DOCK3: variants seen among roughly 807,000 people sequenced by gnomAD.
DOCK3 encodes the protein dedicator of cytokinesis protein 3.
DOCK3 carries 60 observed loss-of-function variants against 265.6 expected under a neutral mutation model. The observed-to-expected ratio is 0.23, with a 90% CI of 0.18 to 0.28. The LOEUF (loss-of-function observed/expected upper bound fraction) is 0.28. DOCK3 is among the 10% of genes least tolerant of loss of function. The probability of loss-of-function intolerance (pLI) is 1.00; values close to 1 mark genes in which losing one functional copy is unlikely to be tolerated. For missense variants in DOCK3, 1,981 were observed against 2,594.3 expected, an observed-to-expected ratio of 0.76 and a Z score of 5.14; for synonymous variants, 881 against 938.0, an observed-to-expected ratio of 0.94 and a Z score of 1.11.
chr3:50,711,381 C>T (rs2036756900), intron 1 of DOCK3, among the ~76,000 whole-genome samples: 1 of 151,736 alleles, frequency 6.6e-6, no homozygotes, highest in Non-Finnish European at 1.5e-5. Context: ...CCTGCCTCAG[C>T]CTCCCGAGTA....
chr3:51,339,426 A>G (rs1328520452), intron 37 of DOCK3, among the ~76,000 whole-genome samples: 1 of 152,162 alleles, frequency 6.6e-6, no homozygotes, highest in Non-Finnish European at 1.5e-5. Context: ...TAACAAAGGA[A>G]TATCCCCCTA....
intron 1 of DOCK3, among the ~76,000 whole-genome samples, chr3:50,703,698 G>A (rs933341436): frequency 1.3e-4 from 19 of 150,144 alleles, no homozygotes; most frequent in African/African-American, 4.6e-4. Flanking sequence ...ACTTATTTGG[G>A]TTTTCTCGGT....
chr3:50,681,561 A>AT (rs1160862048), intron 1 of DOCK3, among the ~76,000 whole-genome samples: 2 of 152,198 alleles, frequency 1.3e-5, no homozygotes, highest in African/African-American at 2.4e-5. Context: ...AGAAGCAAGC[A>AT]TTTTTTTCAC....
At chr3:50,774,595 C>G (rs1164494075) in intron 1 of DOCK3, among the ~76,000 whole-genome samples, 2 of 151,746 alleles carry the variant, frequency 1.3e-5, no homozygotes, top group Non-Finnish European at 2.9e-5. Context: ...TAGTTTATGT[C>G]TATATTCTTT....
At chr3:50,760,359 G>A (rs999450600) in intron 1 of DOCK3, among the ~76,000 whole-genome samples, 16 of 152,124 alleles carry the variant, frequency 1.1e-4, no homozygotes, top group African/African-American at 3.9e-4. Context: ...ATATGCAGAT[G>A]GTTCTTGACT....
At chr3:51,303,212 A>G (rs1222538256) in intron 27 of DOCK3, among the ~76,000 whole-genome samples, 1 of 151,108 alleles carries the variant, frequency 6.6e-6, no homozygotes, top group Non-Finnish European at 1.5e-5. Context: ...GGTTATTGAT[A>G]CTTGTGTTTA....
intron 12 of DOCK3, among the ~76,000 whole-genome samples, chr3:51,168,265 A>G (rs899779746): frequency 6.6e-6 from 1 of 152,224 alleles, no homozygotes; most frequent in African/African-American, 2.4e-5. Flanking sequence ...TGGAACCAAA[A>G]AAGAGCCCGA....
rs553525037 is a variant in DOCK3 at position 51,053,076 on chromosome 3, A to AAG, written c.316-11370_316-11369dup. On this transcript the variant is annotated intron_variant, in intron 5 of 52. Coordinates refer to ENST00000266037, the MANE Select transcript of DOCK3 (RefSeq NM_004947.5). ...TCAGTTTCATCTTTTAAAAAAGTCA[A>AAG]AGATATATATATATATATATATATA... 6.5e-3 allele frequency among the ~76,000 whole-genome samples: 226 copies of AAG among 34,536 alleles called. 2 individuals carry two copies. The highest frequency in any genetic ancestry group is 0.037 in the Middle Eastern group (2 of 54). 22.7% of individuals were successfully genotyped at this position (34,536 alleles called of 152,430 possible).
At chr3:50,717,937 A>G (rs1022032782) in intron 1 of DOCK3, among the ~76,000 whole-genome samples, 3 of 152,104 alleles carry the variant, frequency 2.0e-5, no homozygotes, top group African/African-American at 7.2e-5. Flanking sequence ...GTTTGTGTTT[A>G]CTTTTGCATT....
intron 2 of DOCK3, among the ~76,000 whole-genome samples, chr3:50,817,017 G>T (rs2044121924): frequency 6.6e-6 from 1 of 152,210 alleles, no homozygotes; most frequent in East Asian, 1.9e-4. Context: ...AGGAATAAAA[G>T]AATGGCTACT....
At chr3:51,292,199 T>A (rs2109174948) in intron 27 of DOCK3, among the ~76,000 whole-genome samples, 1 of 152,300 alleles carries the variant, frequency 6.6e-6, no homozygotes, top group Non-Finnish European at 1.5e-5. Context: ...GGATGCCCAC[T>A]CTGACTACTT....
At chr3:50,913,046 G>C (rs1326253097) in intron 4 of DOCK3, among the ~76,000 whole-genome samples, 1 of 152,102 alleles carries the variant, frequency 6.6e-6, no homozygotes, top group Non-Finnish European at 1.5e-5. Flanking sequence ...ACCAGAGCTG[G>C]GAATGTTCTG....
chr3:51,019,304 G>A (rs1421173003), intron 5 of DOCK3, among the ~76,000 whole-genome samples: 2 of 151,772 alleles, frequency 1.3e-5, no homozygotes, highest in African/African-American at 4.9e-5. Context: ...ATGGAAATAT[G>A]GGATCAATTG....
At chr3:51,136,175 C>A (rs1215843198) in intron 9 of DOCK3, among the ~76,000 whole-genome samples, 2 of 152,038 alleles carry the variant, frequency 1.3e-5, no homozygotes, top group Non-Finnish European at 2.9e-5. Flanking sequence ...GAACCTGTTC[C>A]AGTACCTCCT....
intron 5 of DOCK3, among the ~76,000 whole-genome samples, chr3:51,025,582 T>G (rs918218637): frequency 6.6e-6 from 1 of 152,190 alleles, no homozygotes; most frequent in Non-Finnish European, 1.5e-5. Flanking sequence ...CACTCCTGTC[T>G]GCAGCTCACT....
At chr3:51,023,745 C>A (rs952883198) in intron 5 of DOCK3, among the ~76,000 whole-genome samples, 15 of 152,130 alleles carry the variant, frequency 9.9e-5, no homozygotes, top group East Asian at 1.9e-4. Context: ...TTATCTATCT[C>A]CCTGGAAAAT....
chr3:50,734,602 GTTTTTTT>G (rs771129941), intron 1 of DOCK3, among the ~76,000 whole-genome samples: 1 of 107,372 alleles, frequency 9.3e-6, no homozygotes, highest in Non-Finnish European at 1.7e-5. Context: ...TTTACAGTGA[GTTTTTTT>G]TTTTTTTTTT....
At position 50,959,571 on chromosome 3, in the gene DOCK3, A is replaced by T. The variant is rs546397582; in HGVS notation, c.315+25494A>T. The stretch of plus-strand genomic sequence containing the variant: ...GTGTGTGTGTGTGTATATATATATA[A>T]AATTTATTTATTTATTTATTTATTT... On this transcript the variant is annotated intron_variant, in intron 5 of 52. Transcript: ENST00000266037. 1.2e-3 allele frequency among the ~76,000 whole-genome samples: 176 copies of T among 144,504 alleles called. 1 individual carries two copies. Among genetic ancestry groups the T allele is most frequent in the East Asian group, 9.7e-3 (46 of 4,744 alleles). 94.8% of individuals were successfully genotyped at this position (144,504 alleles called of 152,430 possible). A position where few individuals can be genotyped will look rare whatever the true frequency, so the allele number is the denominator to read the frequency against.
intron 6 of DOCK3, among the ~76,000 whole-genome samples, chr3:51,068,560 A>AGAAGAAG (rs1553750775): frequency 4.0e-4 from 33 of 82,454 alleles, no homozygotes; most frequent in East Asian, 9.6e-4. Flanking sequence ...AAAAAAAAAA[A>AGAAGAAG]AAGAAGAAGA....
Sources: allele counts gnomAD v4.1 joint callset (sites outside exome capture counted in the v4.1 genomes callset), GRCh38; gene constraint gnomAD v4.1.1; transcripts MANE v1.5; gene names NCBI Gene and HGNC (gene_info 2026-07-23, HGNC 2026-07-21).